Variants in CD44 observed in about 807,000 individuals in gnomAD.
CD44 encodes CD44 antigen.
A neutral mutation model predicts 88.8 loss-of-function variants in CD44; 49 were observed. The observed-to-expected ratio is 0.55, with a 90% CI of 0.44 to 0.70. CD44 has a LOEUF of 0.70. Ranked by LOEUF, CD44 falls within the 30% of genes least tolerant of loss-of-function variation. CD44 has a pLI of 0.00. For missense variants in CD44, 883 were observed against 913.8 expected, an observed-to-expected ratio of 0.97 and a Z score of 0.43; for synonymous variants, 325 against 312.3, an observed-to-expected ratio of 1.04 and a Z score of -0.43.
At chr11:35,225,963 G>A (rs562936876) in intron 17 of CD44, among the ~76,000 whole-genome samples, 1 of 152,330 alleles carries the variant, frequency 6.6e-6, no homozygotes, top group South Asian at 2.1e-4. Context: ...AAGAAGCTGG[G>A]CTAGATGATC....
At chr11:35,168,502 C>T (rs1199227960) in intron 1 of CD44, among the ~76,000 whole-genome samples, 1 of 152,212 alleles carries the variant, frequency 6.6e-6, no homozygotes, top group Non-Finnish European at 1.5e-5. Flanking sequence ...TCAGTGAGTG[C>T]TCACTGTGGT....
chr11:35,223,340 T>C (rs10836343), intron 17 of CD44: 169,819 of 956,230 alleles, frequency 0.18, 15,318 homozygotes, highest in Admixed American at 0.2. Flanking sequence ...AATCAGCCCT[T>C]TATTGCCAAG....
At position 35,169,898 on chromosome 11, in the gene CD44, C is replaced by G. The variant is rs353647; in HGVS notation, c.68-6677C>G. Reference sequence around the variant, plus strand: ...GGCAACATAGCATAGAGGTTAGAATCCTGACTTTCCCACTTGGATGACATT... The same window carrying G: ...GGCAACATAGCATAGAGGTTAGAATGCTGACTTTCCCACTTGGATGACATT... On this transcript the variant is annotated intron_variant, in intron 1 of 17. Transcript: ENST00000428726. Among the ~76,000 whole-genome samples the G allele has an allele frequency of 0.49, 73,743 of 151,998 alleles. 18,268 individuals carry two copies. The highest frequency in any genetic ancestry group is 0.55 in the Admixed American group (8,439 of 15,276).
At position 35,215,753 on chromosome 11, in the gene CD44, T is replaced by A. The variant is rs372448460; in HGVS notation, c.1873+839T>A. On this transcript the variant is annotated intron_variant, in intron 15 of 17. Coordinates refer to ENST00000428726, the MANE Select transcript of CD44 (RefSeq NM_000610.4). ...CGGGCGTGGTCCTGCGCACCTGTAATCCCAGCTACTCAGGAGGCTGAGGCA... is the reference window on the plus strand; with the variant it reads ...CGGGCGTGGTCCTGCGCACCTGTAAACCCAGCTACTCAGGAGGCTGAGGCA... 2.7e-4 allele frequency among the ~76,000 whole-genome samples: 41 copies of A among 151,694 alleles called. No homozygotes were observed. In the East Asian group the frequency reaches 6.8e-3, roughly 25 times the overall value.
At chr11:35,227,533 T>C (rs1949789967) in intron 17 of CD44, among the ~76,000 whole-genome samples, 1 of 152,172 alleles carries the variant, frequency 6.6e-6, no homozygotes, top group African/African-American at 2.4e-5. Flanking sequence ...TCCATCTGTA[T>C]TCCTGGTCCC....
At chr11:35,143,284 C>T (rs1858380405) in intron 1 of CD44, among the ~76,000 whole-genome samples, 1 of 151,590 alleles carries the variant, frequency 6.6e-6, no homozygotes, top group Non-Finnish European at 1.5e-5. Context: ...ACCTGATGCT[C>T]TGCTGTGGTA....
chr11:35,194,587 C>T (rs774278519), intron 5 of CD44, among the ~76,000 whole-genome samples: 1 of 152,188 alleles, frequency 6.6e-6, no homozygotes, highest in African/African-American at 2.4e-5. Context: ...GGATGTCAGA[C>T]CTTTTAGTGT....
intron 3 of CD44, among the ~76,000 whole-genome samples, chr11:35,184,744 T>C (rs550422559): frequency 5.9e-5 from 9 of 152,320 alleles, no homozygotes; most frequent in African/African-American, 1.7e-4. Context: ...GTTGAGTAGA[T>C]GCTTAAAAAT....
At chr11:35,176,778 G>T in intron 2 of CD44, 38 bp downstream of exon 2, 1 of 1,594,648 alleles carries the variant, frequency 6.3e-7, no homozygotes, top group South Asian at 1.1e-5. Context: ...GAAAGCTGGC[G>T]GCCTGGGACC....
At chr11:35,220,527 C>G (rs1016109700) in intron 16 of CD44, among the ~76,000 whole-genome samples, 1 of 152,120 alleles carries the variant, frequency 6.6e-6, no homozygotes, top group African/African-American at 2.4e-5. Flanking sequence ...TTCTCAAGCC[C>G]TGGTTCATTG....
At chr11:35,147,078 C>A (rs541096178) in intron 1 of CD44, among the ~76,000 whole-genome samples, 1 of 152,170 alleles carries the variant, frequency 6.6e-6, no homozygotes, top group South Asian at 2.1e-4. Flanking sequence ...TAGGATAGGG[C>A]TGAAAGGGAT....
intron 2 of CD44, among the ~76,000 whole-genome samples, chr11:35,178,580 C>T (rs1213259223): frequency 1.3e-5 from 2 of 152,214 alleles, no homozygotes; most frequent in Admixed American, 6.5e-5. Context: ...TTCTTTCCTC[C>T]TTGTGAACAG....
intron 1 of CD44, among the ~76,000 whole-genome samples, chr11:35,145,151 A>G (rs889288772): frequency 6.6e-6 from 1 of 152,242 alleles, no homozygotes; most frequent in East Asian, 1.9e-4. Flanking sequence ...AATAACCACA[A>G]CAAAACAAAT....
At position 35,232,273 on chromosome 11, in the gene CD44, T is replaced by C. The variant is rs1327196094; in HGVS notation, c.*2940T>C. 6.6e-6 allele frequency: 1 copy of C among 152,668 alleles called. No homozygotes were observed. Among genetic ancestry groups the C allele is most frequent in the Non-Finnish European group, 1.5e-5 (1 of 68,038 alleles). 9.5% of individuals were successfully genotyped at this position (152,668 alleles called of 1,614,324 possible). On this transcript the variant is annotated 3_prime_UTR_variant, in exon 18 of 18. Coordinates refer to ENST00000428726, the MANE Select transcript of CD44 (RefSeq NM_000610.4). ...TACTTTGACTTTTCAGAGCACACCCTTCCTCTGGTTTTTGTATATTTATTG... is the reference window on the plus strand; with the variant it reads ...TACTTTGACTTTTCAGAGCACACCCCTCCTCTGGTTTTTGTATATTTATTG...
Position 35,206,196 on chromosome 11 carries a change from C to T in CD44, c.1367C>T (p.Pro456Leu), listed in dbSNP as rs1349821155. 1.9e-6 allele frequency: 3 copies of T among 1,612,420 alleles called. No homozygotes were observed. In the South Asian group the frequency reaches 3.3e-5, roughly 18 times the overall value. Residue 456 changes from proline (P) to leucine (L), a missense_variant, in exon 11 of 18, where the codon CCA becomes CTA. Physicochemically the swap from Pro to Leu is moderately conservative, Grantham distance 98 (BLOSUM62 -3). Coordinates refer to ENST00000428726, the MANE Select transcript of CD44 (RefSeq NM_000610.4). ...AGTTCCTGGACTGATTTCTTCAACC[C>T]AATCTCACACCCCATGGGACGAGGT... ...EDSSWTDFFN[P>L]ISHPMGRGHQ...
chr11:35,162,799 A>G (rs1373841775), intron 1 of CD44, among the ~76,000 whole-genome samples: 1 of 152,016 alleles, frequency 6.6e-6, no homozygotes, highest in Non-Finnish European at 1.5e-5. Context: ...AAAACATCTG[A>G]AGAGTGAATA....
Position 35,229,702 on chromosome 11 carries a change from G to T in CD44, c.*369G>T. 1 of 207,472 alleles carries T rather than the reference G, an allele frequency of 4.8e-6. No individual in the cohort carries two copies. Among genetic ancestry groups the T allele is most frequent in the Non-Finnish European group, 9.9e-6 (1 of 101,072 alleles). The allele number at this position is 207,472 out of a possible 1,614,324, so 12.9% of individuals were successfully genotyped here. A position where few individuals can be genotyped will look rare whatever the true frequency, so the allele number is the denominator to read the frequency against. On this transcript the variant is annotated 3_prime_UTR_variant, in exon 18 of 18. Coordinates refer to ENST00000428726, the MANE Select transcript of CD44 (RefSeq NM_000610.4). ...TAAGGACATTTCCCAGGGTTAATAG[G>T]GCCTGGTCCCTGGGAGGAAATTTGA...
Position 35,189,989 on chromosome 11 carries a change from C to G in CD44, c.591C>G (p.Thr197=), listed in dbSNP as rs1055133271. The G allele has an allele frequency of 2.5e-6, 4 of 1,614,072 alleles. No individual in the cohort carries two copies. The African/African-American group carries it at 4.0e-5, about 16-fold the overall frequency. The change falls in exon 5 of 18, where the codon ACC becomes ACG. Residue 197 remains threonine (T), a synonymous_variant. Coordinates refer to ENST00000428726, the MANE Select transcript of CD44 (RefSeq NM_000610.4). ...CTTCAGGAGGTTACATCTTTTACAC[C>G]TTTTCTACTGTACACCCCATCCCAG... is the stretch of plus-strand genomic sequence containing the variant. ...SSTSGGYIFY[T]FSTVHPIPDE...
intron 4 of CD44, among the ~76,000 whole-genome samples, chr11:35,187,993 C>G (rs1046281079): frequency 1.3e-5 from 2 of 152,202 alleles, no homozygotes; most frequent in Non-Finnish European, 2.9e-5. Context: ...GCATGAGCCA[C>G]CATGCCTGGC....
Sources: allele counts gnomAD v4.1 joint callset (sites outside exome capture counted in the v4.1 genomes callset), GRCh38; gene constraint gnomAD v4.1.1; transcripts MANE v1.5; gene names NCBI Gene and HGNC (gene_info 2026-07-23, HGNC 2026-07-21).